The following CFAP299 variants were observed in gnomAD, a reference collection of about 807,000 sequenced individuals.
CFAP299 encodes cilia and flagella associated protein 299, also known as cilia- and flagella-associated protein 299.
CFAP299 carries 21 observed loss-of-function variants against 27.0 expected under a neutral mutation model. The observed-to-expected ratio is 0.78, with a 90% confidence interval of 0.55 to 1.12. The LOEUF (loss-of-function observed/expected upper bound fraction) is 1.12, where lower values mean the gene tolerates loss of function less well. Among genes scored for constraint, CFAP299 ranks in the 50% most tolerant of loss-of-function variants. The probability of loss-of-function intolerance (pLI) is 0.00; values close to 1 mark genes in which losing one functional copy is unlikely to be tolerated. For synonymous variants in CFAP299, 104 were observed against 98.1 expected, an observed-to-expected ratio of 1.06 and a Z score of -0.36; for missense variants, 310 against 276.6, an observed-to-expected ratio of 1.12 and a Z score of -0.86.
intron 2 of CFAP299, chr4:80,386,909 G>C (rs1217607556): frequency 1.4e-5 from 12 of 842,890 alleles, no homozygotes. Flanking sequence ...AGGGCTTCTC[G>C]CCTGAGTGGT....
At chr4:80,848,488 C>G (rs533948946) in intron 3 of CFAP299, among the ~76,000 whole-genome samples, 5 of 152,188 alleles carry the variant, frequency 3.3e-5, no homozygotes, top group African/African-American at 1.2e-4. Flanking sequence ...ATTTGTGTAT[C>G]TAAACATAGA....
intron 4 of CFAP299, among the ~76,000 whole-genome samples, chr4:80,891,784 A>T (rs1393025501): frequency 0.016 from 1,910 of 117,646 alleles, 69 homozygotes; most frequent in African/African-American, 0.06. Context: ...AAATTAAAAA[A>T]AAAATAAAAA....
upstream of CFAP299, chr4:80,335,638 C>G (rs1418120819): frequency 2.6e-5 from 18 of 680,846 alleles, no homozygotes; most frequent in South Asian, 6.1e-5. Context: ...TGCAACAAAC[C>G]GCCGGGGGGT....
chr4:80,773,036 A>C (rs1726313773), intron 3 of CFAP299, among the ~76,000 whole-genome samples: 2 of 152,194 alleles, frequency 1.3e-5, no homozygotes, highest in African/African-American at 4.8e-5. Flanking sequence ...GCCATAAGAA[A>C]GAATGAGATC....
intron 3 of CFAP299, among the ~76,000 whole-genome samples, chr4:80,639,410 G>A (rs894385717): frequency 6.6e-6 from 1 of 152,166 alleles, no homozygotes; most frequent in Non-Finnish European, 1.5e-5. Context: ...TAGGTAAGGG[G>A]ATATAAAAAT....
intron 3 of CFAP299, chr4:80,649,246 C>CTGA (rs1740174436): frequency 6.6e-6 from 1 of 152,064 alleles, no homozygotes; most frequent in Non-Finnish European, 1.5e-5. Context: ...ATTTTAGGTA[C>CTGA]TGATGGTGCT....
In CFAP299 at chr4:80,940,993, G is replaced by A. The variant is rs78084277; in HGVS notation, c.477-3817G>A. Among the ~76,000 whole-genome samples the A allele has an allele frequency of 6.3e-3, 957 of 152,168 alleles. 11 individuals carry two copies. The highest frequency in any genetic ancestry group is 0.022 in the African/African-American group (897 of 41,524). On this transcript the variant is annotated intron_variant, in intron 4 of 5. Transcript: ENST00000358105. ...TTCCCTTTGTTTCTGTGGGGGATTCGTTCCAGGGCCTCCCATAGGTAGCAA... is the reference window on the plus strand; with the variant it reads ...TTCCCTTTGTTTCTGTGGGGGATTCATTCCAGGGCCTCCCATAGGTAGCAA...
At chr4:80,677,355 T>G (rs1719527656) in intron 3 of CFAP299, among the ~76,000 whole-genome samples, 4 of 152,070 alleles carry the variant, frequency 2.6e-5, no homozygotes, top group Admixed American at 2.6e-4. Flanking sequence ...TTTCTGTTGT[T>G]TCTCCTACTT....
intron 2 of CFAP299, among the ~76,000 whole-genome samples, chr4:80,437,546 G>A (rs1299578543): frequency 6.6e-6 from 1 of 152,146 alleles, no homozygotes; most frequent in Non-Finnish European, 1.5e-5. Flanking sequence ...GCAGAAGAGG[G>A]ATCCTGAGAG....
At chr4:80,614,208 C>G (rs768299538) in intron 3 of CFAP299, among the ~76,000 whole-genome samples, 3 of 152,044 alleles carry the variant, frequency 2.0e-5, no homozygotes, top group Non-Finnish European at 4.4e-5. Flanking sequence ...TTTTTCTATC[C>G]TAATGGAAAC....
chr4:80,495,019 C>G (rs1303959511), intron 2 of CFAP299, among the ~76,000 whole-genome samples: 17 of 152,104 alleles, frequency 1.1e-4, no homozygotes, highest in Admixed American at 1.1e-3. Context: ...AGCACTTTTT[C>G]CAACATAGCC....
At chr4:80,782,680 A>G in intron 3 of CFAP299, among the ~76,000 whole-genome samples, 1 of 127,344 alleles carries the variant, frequency 7.9e-6, no homozygotes, top group South Asian at 2.2e-4. Context: ...TAATATACAT[A>G]TATGAATATA....
intron 3 of CFAP299, among the ~76,000 whole-genome samples, chr4:80,796,127 A>G (rs1400543473): frequency 6.6e-6 from 1 of 152,174 alleles, no homozygotes; most frequent in Non-Finnish European, 1.5e-5. Context: ...CAAATGAGGA[A>G]TGTGTTGCCT....
chr4:80,950,260 C>CA (rs1453344705), intron 5 of CFAP299, among the ~76,000 whole-genome samples: 2 of 151,666 alleles, frequency 1.3e-5, no homozygotes, highest in African/African-American at 2.4e-5. Flanking sequence ...TCCACCCCCC[C>CA]CCTTTCTCAT....
chr4:80,511,018 T>A (rs1732270237), intron 2 of CFAP299, among the ~76,000 whole-genome samples: 1 of 152,150 alleles, frequency 6.6e-6, no homozygotes, highest in African/African-American at 2.4e-5. Flanking sequence ...CTTATTCAGA[T>A]CCAATAGGAG....
chr4:80,453,977 G>A (rs1729025325), intron 2 of CFAP299, among the ~76,000 whole-genome samples: 1 of 151,746 alleles, frequency 6.6e-6, no homozygotes, highest in Non-Finnish European at 1.5e-5. Flanking sequence ...AAAATTATTG[G>A]TTTAAGATAG....
intron 2 of CFAP299, among the ~76,000 whole-genome samples, chr4:80,493,179 C>T (rs562691239): frequency 2.0e-5 from 3 of 152,262 alleles, no homozygotes; most frequent in Admixed American, 6.5e-5. Flanking sequence ...ATTATGCATT[C>T]CCATTGTTAT....
At chr4:80,820,775 T>G (rs1387578233) in intron 3 of CFAP299, among the ~76,000 whole-genome samples, 1 of 152,152 alleles carries the variant, frequency 6.6e-6, no homozygotes, top group East Asian at 1.9e-4. Flanking sequence ...CCAGCACACA[T>G]TAGTGTTGCA....
chr4:80,877,800 T>G (rs1733490341), intron 4 of CFAP299, among the ~76,000 whole-genome samples: 1 of 152,080 alleles, frequency 6.6e-6, no homozygotes, highest in South Asian at 2.1e-4. Context: ...TTTGGAAAAG[T>G]TCAAAGAATA....
Sources: gnomAD v4.1 joint callset for allele counts (sites outside exome capture counted in the v4.1 genomes callset) on GRCh38, gnomAD v4.1.1 for gene constraint, MANE v1.5 for transcripts, NCBI Gene and HGNC (gene_info 2026-07-23, HGNC 2026-07-21) for gene names.